Variants in PCDH7 observed in about 807,000 individuals in gnomAD.
PCDH7 encodes the protein protocadherin-7.
A neutral mutation model predicts 58.9 loss-of-function variants in PCDH7; 17 were observed. The ratio of observed to expected loss-of-function variants is 0.29; its 90% confidence interval spans 0.20 to 0.43. The LOEUF (loss-of-function observed/expected upper bound fraction) is 0.43. Among genes scored for constraint, PCDH7 ranks in the 20% least tolerant of loss-of-function variants. The probability of loss-of-function intolerance (pLI) is 1.00; values close to 1 mark genes in which losing one functional copy is unlikely to be tolerated. For synonymous variants in PCDH7, 664 were observed against 616.4 expected, an observed-to-expected ratio of 1.08 and a Z score of -1.14; for missense variants, 1,274 against 1,441.0, an observed-to-expected ratio of 0.88 and a Z score of 1.88.
chr4:31,012,301 G>A (rs973105172), intron 3 of PCDH7, among the ~76,000 whole-genome samples: 2 of 151,846 alleles, frequency 1.3e-5, no homozygotes, highest in African/African-American at 2.4e-5. Context: ...AATAATATTC[G>A]TTTTATTTTT....
At chr4:30,860,846 A>G (rs1734108249) in intron 1 of PCDH7, among the ~76,000 whole-genome samples, 1 of 152,160 alleles carries the variant, frequency 6.6e-6, no homozygotes, top group African/African-American at 2.4e-5. Flanking sequence ...TCAAGGAGGA[A>G]GGAAAACATC....
chr4:31,005,349 G>T (rs981143311), intron 3 of PCDH7, among the ~76,000 whole-genome samples: 5 of 152,158 alleles, frequency 3.3e-5, no homozygotes, highest in African/African-American at 1.2e-4. Context: ...AAGGAAATGG[G>T]CATGAGTGGA....
chr4:31,126,994 CA>C (rs1361956125), intron 3 of PCDH7, among the ~76,000 whole-genome samples: 1 of 152,196 alleles, frequency 6.6e-6, no homozygotes, highest in East Asian at 1.9e-4. Flanking sequence ...TCATTGCTCA[CA>C]TGGGAAAATC....
chr4:30,721,253 T>C lies in PCDH7; in HGVS notation c.-170T>C, dbSNP rs2109222846. On this transcript the variant is annotated 5_prime_UTR_variant, in exon 1 of 2. Coordinates refer to ENST00000361762, the Ensembl canonical transcript of PCDH7. The surrounding 1 kb of genome is among the most constrained non-coding windows in gnomAD (Gnocchi z 6.7). ...TCTATCGCTGCCCTCCCACCCCCATTCCCGGCCAACTCTCCACGCCGCTTT... is the reference window on the plus strand; with the variant it reads ...TCTATCGCTGCCCTCCCACCCCCATCCCCGGCCAACTCTCCACGCCGCTTT... The C allele has an allele frequency of 1.7e-6, 1 of 595,662 alleles. No individual in the cohort carries two copies. Among genetic ancestry groups the C allele is most frequent in the African/African-American group, 1.9e-5 (1 of 52,334 alleles). 36.9% of individuals were successfully genotyped at this position (595,662 alleles called of 1,614,324 possible).
intron 3 of PCDH7, among the ~76,000 whole-genome samples, chr4:30,989,222 T>A (rs1201929699): frequency 1.3e-5 from 2 of 151,996 alleles, no homozygotes; most frequent in Non-Finnish European, 2.9e-5. Context: ...TCATGATCTG[T>A]CACAAGAATG....
At chr4:30,971,922 C>T (rs1284784481) in intron 3 of PCDH7, among the ~76,000 whole-genome samples, 1 of 152,152 alleles carries the variant, frequency 6.6e-6, no homozygotes, top group Non-Finnish European at 1.5e-5. Flanking sequence ...GATTATACCA[C>T]TGCACTCCAG....
At chr4:31,048,331 T>A (rs1756454519) in intron 3 of PCDH7, among the ~76,000 whole-genome samples, 1 of 152,052 alleles carries the variant, frequency 6.6e-6, no homozygotes, top group Non-Finnish European at 1.5e-5. Context: ...CAAAAACATG[T>A]TAACAATCAG....
At position 30,723,174 on chromosome 4, in the gene PCDH7, C is replaced by G. The variant is rs919576693; in HGVS notation, c.1752C>G (p.Ile584Met). The G allele has an allele frequency of 6.2e-7, 1 of 1,614,160 alleles. No individual in the cohort carries two copies. Among genetic ancestry groups the G allele is most frequent in the East Asian group, 2.2e-5 (1 of 44,864 alleles). ...CCTCTGTGATGGGGATCTTTGCCAT[C>G]GATCCCGATTCTGGGGACATCCTGG... Residue 584 changes from isoleucine (I) to methionine (M), a missense_variant, in exon 1 of 2, where the codon ATC (isoleucine) becomes ATG (methionine). Coordinates refer to ENST00000361762, the Ensembl canonical transcript of PCDH7. The surrounding 1 kb of genome is among the most constrained non-coding windows in gnomAD (Gnocchi z 4.6).
chr4:30,843,111 G>A (rs1214120871), intron 1 of PCDH7, among the ~76,000 whole-genome samples: 6 of 150,536 alleles, frequency 4.0e-5, no homozygotes. Flanking sequence ...CAGTTTATAA[G>A]TGTCAGTTGA....
intron 1 of PCDH7, among the ~76,000 whole-genome samples, chr4:30,848,885 A>T (rs1403049436): frequency 6.6e-6 from 1 of 152,056 alleles, no homozygotes; most frequent in Admixed American, 6.6e-5. Flanking sequence ...GGGCTTTGGA[A>T]ATACTATTTT....
intron 3 of PCDH7, among the ~76,000 whole-genome samples, chr4:31,085,712 C>T (rs1282599280): frequency 6.6e-6 from 1 of 152,112 alleles, no homozygotes; most frequent in South Asian, 2.1e-4. Context: ...AGGGTGTTTT[C>T]ATCAACTTTC....
exon 4 of PCDH7, chr4:31,142,640 G>T (rs1022964719): frequency 1.3e-5 from 18 of 1,367,748 alleles, no homozygotes; most frequent in Non-Finnish European, 1.7e-5. Context: ...AGGAAGCCAG[G>T]AAAAGCTGGC....
chr4:30,795,279 CT>C (rs1724639735), intron 1 of PCDH7, among the ~76,000 whole-genome samples: 1 of 152,184 alleles, frequency 6.6e-6, no homozygotes, highest in Non-Finnish European at 1.5e-5. Context: ...CCTTACCCAG[CT>C]CTCTTATGTG....
chr4:30,867,154 T>C (rs916047321), intron 1 of PCDH7, among the ~76,000 whole-genome samples: 11 of 152,088 alleles, frequency 7.2e-5, no homozygotes, highest in African/African-American at 2.7e-4. Flanking sequence ...ATCAGAGCTC[T>C]CTGTGACTTC....
At chr4:31,006,267 T>A (rs1196054145) in intron 3 of PCDH7, among the ~76,000 whole-genome samples, 1 of 152,174 alleles carries the variant, frequency 6.6e-6, no homozygotes, top group Admixed American at 6.5e-5. Context: ...AGATATATGT[T>A]TTCCATTTTC....
In PCDH7 at chr4:31,096,136, T is replaced by C. The variant is rs79704729; in HGVS notation, c.*8-46337T>C. On this transcript the variant is annotated intron_variant, in intron 3 of 3. Coordinates refer to the PCDH7 transcript ENST00000509759. The stretch of plus-strand genomic sequence containing the variant: ...ACAGGCATATCATATGTGCAAAAGA[T>C]GCCCCCTAGGCCCCAAGTTATTGCC... Among the ~76,000 whole-genome samples the C allele has an allele frequency of 5.9e-3, 904 of 152,292 alleles. 11 individuals are homozygous for C. The highest frequency in any genetic ancestry group is 0.021 in the African/African-American group (854 of 41,574).
chr4:31,110,645 G>A (rs1716168056), intron 3 of PCDH7, among the ~76,000 whole-genome samples: 4 of 152,266 alleles, frequency 2.6e-5, no homozygotes, highest in South Asian at 2.1e-4. Flanking sequence ...GCCGGGCGCG[G>A]TGGCTCACGC....
At chr4:31,018,551 C>A (rs747136469) in intron 3 of PCDH7, among the ~76,000 whole-genome samples, 2 of 152,124 alleles carry the variant, frequency 1.3e-5, no homozygotes, top group Non-Finnish European at 2.9e-5. Flanking sequence ...AAAAGCAAAG[C>A]CTTGAGGCTA....
At chr4:31,013,378 A>G (rs1196863363) in intron 3 of PCDH7, among the ~76,000 whole-genome samples, 1 of 151,372 alleles carries the variant, frequency 6.6e-6, no homozygotes, top group Non-Finnish European at 1.5e-5. Flanking sequence ...ACAGAGAAAG[A>G]GTATGCCTAT....
Sources: allele counts gnomAD v4.1 joint callset (sites outside exome capture counted in the v4.1 genomes callset), GRCh38; gene constraint gnomAD v4.1.1; non-coding constraint Gnocchi (gnomAD v3.1); transcripts MANE v1.5; gene names NCBI Gene and HGNC (gene_info 2026-07-23, HGNC 2026-07-21).